CDRT4: variants seen among roughly 807,000 people sequenced by gnomAD.
CDRT4 encodes CMT1A duplicated region transcript 4 protein.
For missense variants in CDRT4, 167 were observed against 193.1 expected, an observed-to-expected ratio of 0.87 and a Z score of 0.80; for synonymous variants, 64 against 69.6, an observed-to-expected ratio of 0.92 and a Z score of 0.40.
At chr17:15,447,093 GTTTCCC>G (rs561943174) in intron 2 of CDRT4, among the ~76,000 whole-genome samples, 121 of 152,290 alleles carry the variant, frequency 7.9e-4, no homozygotes, top group African/African-American at 2.6e-3. Context: ...CGCAATCCAG[GTTTCCC>G]GTGCTGATAA....
intron 2 of CDRT4, among the ~76,000 whole-genome samples, chr17:15,440,949 C>G (rs1253613413): frequency 6.6e-6 from 1 of 151,354 alleles, no homozygotes; most frequent in Non-Finnish European, 1.5e-5. Flanking sequence ...TGTTTTAAGC[C>G]AAAAGGGGGA....
At chr17:15,443,635 G>C (rs1231185871) in intron 2 of CDRT4, 2 of 338,562 alleles carry the variant, frequency 5.9e-6, no homozygotes, top group Non-Finnish European at 1.1e-5. Flanking sequence ...TGTCTGCTGC[G>C]AGAATGAAGA....
At chr17:15,443,892 T>C in intron 2 of CDRT4, 1 of 633,112 alleles carries the variant, frequency 1.6e-6, no homozygotes, top group South Asian at 1.4e-5. Flanking sequence ...GGGCTTCCAC[T>C]ACAAGTTGAG....
chr17:15,440,114 G>A, intron 3 of CDRT4, 94 bp downstream of exon 3: 26 of 1,089,376 alleles, frequency 2.4e-5, no homozygotes, highest in East Asian at 8.4e-5. Context: ...AAAAAAAAAA[G>A]AGTGGCCGCC....
chr17:15,441,645 T>C (rs1978767404), intron 2 of CDRT4, among the ~76,000 whole-genome samples: 1 of 152,224 alleles, frequency 6.6e-6, no homozygotes, highest in Non-Finnish European at 1.5e-5. Context: ...CAACTTTAAA[T>C]TCCACTATTT....
intron 2 of CDRT4, among the ~76,000 whole-genome samples, chr17:15,447,896 A>G (rs1979096990): frequency 1.3e-5 from 2 of 152,236 alleles, no homozygotes; most frequent in African/African-American, 4.8e-5. Context: ...CGGAGAAACA[A>G]GCAGCAAGAA....
rs756693362 is a variant in CDRT4 at position 15,465,166 on chromosome 17, AAC to A, written c.-130+2292_-130+2293del. ...ACAGACACACCAACACACACACACC[AAC>A]ACACAGACACACAACACACATACCA... On this transcript the variant is annotated intron_variant, in intron 1 of 3. Coordinates refer to ENST00000619038, the MANE Select transcript of CDRT4 (RefSeq NM_001204477.2). 1.1e-3 allele frequency among the ~76,000 whole-genome samples: 145 copies of A among 131,938 alleles called. 5 individuals are homozygous for A. The highest frequency in any genetic ancestry group is 9.4e-4 in the Non-Finnish European group (61 of 64,846). 86.6% of individuals were successfully genotyped at this position (131,938 alleles called of 152,430 possible).
intron 1 of CDRT4, among the ~76,000 whole-genome samples, chr17:15,459,231 C>CA (rs1212072655): frequency 6.6e-6 from 1 of 152,056 alleles, no homozygotes; most frequent in Non-Finnish European, 1.5e-5. Context: ...ACCTCCCCTC[C>CA]ACTCATGAAC....
At chr17:15,447,139 C>T (rs138640544) in intron 2 of CDRT4, among the ~76,000 whole-genome samples, 3 of 152,262 alleles carry the variant, frequency 2.0e-5, no homozygotes, top group South Asian at 2.1e-4. Flanking sequence ...ATCTGTGTTA[C>T]GAGAAACAAA....
At chr17:15,441,265 G>A (rs1978744587) in intron 2 of CDRT4, among the ~76,000 whole-genome samples, 1 of 152,264 alleles carries the variant, frequency 6.6e-6, no homozygotes, top group East Asian at 1.9e-4. Flanking sequence ...ACCATGGGTC[G>A]AAGGCAGTGC....
rs1978519896 is a variant in CDRT4 at position 15,436,964 on chromosome 17, G to C, written c.*809C>G. 6.6e-6 allele frequency: 1 copy of C among 152,128 alleles called. No homozygotes were observed. Among genetic ancestry groups the C allele is most frequent in the African/African-American group, 2.4e-5 (1 of 41,392 alleles). The allele number at this position is 152,128 out of a possible 1,614,324, so 9.4% of individuals were successfully genotyped here. A position where few individuals can be genotyped will look rare whatever the true frequency, so the allele number is the denominator to read the frequency against. On this transcript the variant is annotated 3_prime_UTR_variant, in exon 4 of 4. Coordinates refer to ENST00000619038, the MANE Select transcript of CDRT4 (RefSeq NM_001204477.2). Reference sequence around the variant, plus strand: ...AGGAGGAAGTAGGAAGTGGCCCCTTGCTCACTTCCTGTTTGCTTCCTGTTC... The same window carrying C: ...AGGAGGAAGTAGGAAGTGGCCCCTTCCTCACTTCCTGTTTGCTTCCTGTTC...
chr17:15,465,538 C>T (rs1979995732), intron 1 of CDRT4, among the ~76,000 whole-genome samples: 1 of 151,664 alleles, frequency 6.6e-6, no homozygotes. Flanking sequence ...ATACCAGACA[C>T]ACCAACACAA....
chr17:15,445,149 A>ATAG (rs1262125047), intron 2 of CDRT4, among the ~76,000 whole-genome samples: 1 of 152,220 alleles, frequency 6.6e-6, no homozygotes, highest in Non-Finnish European at 1.5e-5. Flanking sequence ...TTCCATTTAC[A>ATAG]TAGTCATGAT....
intron 2 of CDRT4, among the ~76,000 whole-genome samples, chr17:15,447,345 G>A (rs1979071520): frequency 6.6e-6 from 1 of 152,204 alleles, no homozygotes; most frequent in South Asian, 2.1e-4. Context: ...GGTTCAAGAA[G>A]AGAAAATGGT....
At chr17:15,460,335 A>C (rs561865542) in intron 1 of CDRT4, among the ~76,000 whole-genome samples, 1 of 152,272 alleles carries the variant, frequency 6.6e-6, no homozygotes, top group East Asian at 1.9e-4. Context: ...ATGTCAACTC[A>C]ACCTGTAATT....
chr17:15,451,603 C>T (rs1979266999), intron 2 of CDRT4, among the ~76,000 whole-genome samples: 1 of 152,168 alleles, frequency 6.6e-6, no homozygotes, highest in African/African-American at 2.4e-5. Flanking sequence ...GCCACACTGG[C>T]CTTGCCTCTC....
At chr17:15,455,827 G>A (rs1168522798) in intron 1 of CDRT4, among the ~76,000 whole-genome samples, 1 of 152,202 alleles carries the variant, frequency 6.6e-6, no homozygotes, top group Non-Finnish European at 1.5e-5. Flanking sequence ...GCCTTCAGAT[G>A]AGACCACATC....
chr17:15,456,175 T>G (rs1357214463), intron 1 of CDRT4, among the ~76,000 whole-genome samples: 7 of 152,086 alleles, frequency 4.6e-5, no homozygotes, highest in Admixed American at 4.6e-4. Context: ...AGTAAAGAAT[T>G]TAGGCCTATA....
intron 3 of CDRT4, among the ~76,000 whole-genome samples, chr17:15,439,897 A>G (rs1978674110): frequency 6.6e-6 from 1 of 152,050 alleles, no homozygotes; most frequent in Admixed American, 6.5e-5. Context: ...CAATGAGAAC[A>G]CTTGGACACA....
Sources: gnomAD v4.1 joint callset for allele counts (sites outside exome capture counted in the v4.1 genomes callset) on GRCh38, gnomAD v4.1.1 for gene constraint, MANE v1.5 for transcripts, NCBI Gene and HGNC (gene_info 2026-07-23, HGNC 2026-07-21) for gene names.